Variants in TANK observed in about 807,000 individuals in gnomAD.
TANK encodes the protein TRAF family member-associated NF-kappa-B activator.
In TANK, 15 loss-of-function variants were observed where a neutral mutation model predicts 43.6. The ratio of observed to expected loss-of-function variants is 0.34; its 90% CI spans 0.23 to 0.53. The LOEUF is 0.53. TANK is among the 20% of genes least tolerant of loss of function. TANK has a pLI of 0.94. For synonymous variants in TANK, 162 were observed against 178.2 expected, an observed-to-expected ratio of 0.91 and a Z score of 0.73; for missense variants, 417 against 498.6, an observed-to-expected ratio of 0.84 and a Z score of 1.56.
chr2:161,220,005 C>G (rs1169647557), intron 4 of TANK, among the ~76,000 whole-genome samples: 1 of 152,130 alleles, frequency 6.6e-6, no homozygotes. Context: ...TACATTGATC[C>G]AAGTAAGGAT....
upstream of TANK, among the ~76,000 whole-genome samples, chr2:161,155,859 G>C (rs979462042): frequency 6.6e-6 from 1 of 152,154 alleles, no homozygotes. Context: ...ATGTCACCCA[G>C]TATAGACACC....
At chr2:161,170,115 C>G (rs1221331377) in intron 1 of TANK, among the ~76,000 whole-genome samples, 3 of 152,100 alleles carry the variant, frequency 2.0e-5, no homozygotes, top group Admixed American at 1.3e-4. Context: ...TATCTTGTCT[C>G]TCAACTATCT....
At chr2:161,210,001 CTTTA>C (rs756177311) in intron 4 of TANK, among the ~76,000 whole-genome samples, 1 of 152,040 alleles carries the variant, frequency 6.6e-6, no homozygotes, top group Non-Finnish European at 1.5e-5. Context: ...TTAAACATGT[CTTTA>C]TTTTTCATCT....
chr2:161,191,898 C>A (rs765481542), intron 2 of TANK, among the ~76,000 whole-genome samples: 3 of 152,070 alleles, frequency 2.0e-5, no homozygotes, highest in Admixed American at 6.6e-5. Flanking sequence ...AATGATACTC[C>A]TGCCTAAGCC....
Position 161,231,529 on chromosome 2 carries a change from A to G in TANK, c.1079A>G (p.Lys360Arg). ...TTTCCCTCACTCGATTCCCCGGGAA[A>G]AGCAATCCGAGGACCACAGCAGGTA... ...APFPSLDSPG[K>R]AIRGPQQPIW... The change falls in exon 7 of 8, where the codon AAA (lysine) becomes AGA (arginine). Residue 360 changes from lysine (K) to arginine (R), a missense_variant. Physicochemically the swap from Lys to Arg is conservative, Grantham distance 26. Coordinates refer to ENST00000392749, the MANE Select transcript of TANK (RefSeq NM_001199135.3). 2 of 1,612,462 alleles carry G rather than the reference A, an allele frequency of 1.2e-6. No homozygotes were observed. Among genetic ancestry groups the G allele is most frequent in the South Asian group, 1.1e-5 (1 of 91,080 alleles).
chr2:161,165,726 G>C (rs1684649194), intron 1 of TANK, among the ~76,000 whole-genome samples: 1 of 152,112 alleles, frequency 6.6e-6, no homozygotes, highest in Non-Finnish European at 1.5e-5. Context: ...TTATGTAATA[G>C]ATTTTTAATA....
intron 1 of TANK, among the ~76,000 whole-genome samples, chr2:161,167,846 G>A (rs1019661265): frequency 1.3e-5 from 2 of 151,912 alleles, no homozygotes; most frequent in Non-Finnish European, 2.9e-5. Flanking sequence ...GGATGGTCTC[G>A]ATCTCCTGAC....
chr2:161,157,263 AG>A (rs1468134150), upstream of TANK, among the ~76,000 whole-genome samples: 3 of 152,192 alleles, frequency 2.0e-5, no homozygotes, highest in Non-Finnish European at 4.4e-5. Context: ...TTCTGGAACT[AG>A]GGTGCTTGTC....
chr2:161,203,769 T>C (rs1686522834), intron 3 of TANK, among the ~76,000 whole-genome samples, 174 bp downstream of exon 3: 1 of 152,182 alleles, frequency 6.6e-6, no homozygotes, highest in South Asian at 2.1e-4. Context: ...TATGGGAAAG[T>C]GGACTTTCAC....
chr2:161,235,698 TTTC>T lies in TANK; in HGVS notation c.*181_*183del. On this transcript the variant is annotated 3_prime_UTR_variant, in exon 8 of 8. Coordinates refer to ENST00000392749, the MANE Select transcript of TANK (RefSeq NM_001199135.3). ...TATTTTTTAAAAGATCATTCTGTTC[TTTC>T]AAGGAGAAATAAGCCTAAAAGAAGA... is the stretch of plus-strand genomic sequence containing the variant. The T allele has an allele frequency of 2.1e-6, 1 of 481,822 alleles. No homozygotes were observed. Among genetic ancestry groups the T allele is most frequent in the Admixed American group, 4.0e-5 (1 of 25,126 alleles). The allele number at this position is 481,822 out of a possible 1,614,324, so 29.8% of individuals were successfully genotyped here. A position where few individuals can be genotyped will look rare whatever the true frequency, so the allele number is the denominator to read the frequency against.
chr2:161,187,471 G>A (rs1685716420), intron 2 of TANK, among the ~76,000 whole-genome samples: 2 of 151,978 alleles, frequency 1.3e-5, no homozygotes, highest in South Asian at 2.1e-4. Context: ...ACAAGAGACA[G>A]GAAAGGGACA....
intron 4 of TANK, chr2:161,212,688 TTC>T: frequency 2.0e-6 from 2 of 985,252 alleles, no homozygotes; most frequent in Non-Finnish European, 2.4e-6. Flanking sequence ...TTTCTCACAC[TTC>T]TCTTTATTTA....
At chr2:161,232,831 G>A in intron 7 of TANK, 1 of 1,550,382 alleles carries the variant, frequency 6.5e-7, no homozygotes, top group Non-Finnish European at 8.7e-7. Flanking sequence ...CAACTTGATG[G>A]AAAAGTATTC....
chr2:161,137,152 T>A, intron 1 of TANK: 1 of 985,450 alleles, frequency 1.0e-6, no homozygotes, highest in Non-Finnish European at 1.2e-6. Flanking sequence ...TGTGTTACCC[T>A]CTTACTCTTG....
chr2:161,212,460 A>G, intron 4 of TANK: 3 of 984,554 alleles, frequency 3.0e-6, no homozygotes, highest in Non-Finnish European at 3.6e-6. Context: ...AATCTAAATT[A>G]TTAATTAATC....
chr2:161,210,629 G>A (rs904786181), intron 4 of TANK, among the ~76,000 whole-genome samples: 2 of 151,458 alleles, frequency 1.3e-5, no homozygotes, highest in Admixed American at 6.6e-5. Context: ...CCCGGGAGGC[G>A]GAGGTTGCAG....
rs750142078 is a variant in TANK at position 161,141,725 on chromosome 2, T to C, written c.-50+4662T>C. On this transcript the variant is annotated intron_variant, in intron 1 of 7. Transcript: ENST00000259075. Reference sequence around the variant, plus strand: ...AAGTACACATTTTCTTTATCCTGTCTATCACTGATGGGCATTTGGATTGGT... The same window carrying C: ...AAGTACACATTTTCTTTATCCTGTCCATCACTGATGGGCATTTGGATTGGT... Among the ~76,000 whole-genome samples the C allele has an allele frequency of 1.7e-4, 26 of 152,228 alleles. 1 individual carries two copies. Among genetic ancestry groups the C allele is most frequent in the Non-Finnish European group, 3.7e-4 (25 of 68,028 alleles).
chr2:161,177,561 A>G (rs914469531), intron 1 of TANK, among the ~76,000 whole-genome samples: 3 of 152,102 alleles, frequency 2.0e-5, no homozygotes, highest in African/African-American at 7.2e-5. Context: ...AGACTTTAAT[A>G]TAAATTATAA....
Position 161,203,573 on chromosome 2 carries a change from ACTT to A in TANK, c.190_192del (p.Leu64del). The A allele has an allele frequency of 1.2e-6, 2 of 1,610,144 alleles. No homozygotes were observed. The highest frequency in any genetic ancestry group is 2.2e-5 in the East Asian group (1 of 44,704). ...TTATTGACAAGCTAAAATCTCAGTT[ACTT>A]CTTGTGAATTCCACTCAAGGTATGT... On this transcript the variant is annotated inframe_deletion, in exon 3 of 8. Coordinates refer to ENST00000392749, the MANE Select transcript of TANK (RefSeq NM_001199135.3).
Sources: gnomAD v4.1 joint callset for allele counts (sites outside exome capture counted in the v4.1 genomes callset) on GRCh38, gnomAD v4.1.1 for gene constraint, MANE v1.5 for transcripts, NCBI Gene and HGNC (gene_info 2026-07-23, HGNC 2026-07-21) for gene names.